Variants in PARD3 observed in about 807,000 individuals in gnomAD.
PARD3 encodes the protein par-3 family cell polarity regulator.
PARD3 carries 75 observed loss-of-function variants against 155.4 expected under a neutral mutation model. That is an observed-to-expected ratio of 0.48 (90% CI 0.40 to 0.58). The LOEUF (loss-of-function observed/expected upper bound fraction) is 0.58, where lower values mean the gene tolerates loss of function less well. Ranked by LOEUF, PARD3 falls within the 20% of genes least tolerant of loss-of-function variation. The pLI is 0.00. For missense variants in PARD3, 1,642 were observed against 1,721.7 expected (o/e 0.95, Z 0.82); for synonymous variants, 576 against 610.5 (o/e 0.94, Z 0.83).
intron 1 of PARD3, among the ~76,000 whole-genome samples, chr10:34,729,052 A>G (rs2094769755): frequency 6.6e-6 from 1 of 152,234 alleles, no homozygotes; most frequent in Non-Finnish European, 1.5e-5. Flanking sequence ...CAGGAGCAAC[A>G]GGTTAGACCA....
At chr10:34,612,851 G>A (rs982086452) in intron 2 of PARD3, among the ~76,000 whole-genome samples, 3 of 152,198 alleles carry the variant, frequency 2.0e-5, no homozygotes, top group African/African-American at 4.8e-5. Flanking sequence ...TTGAGCAATT[G>A]TGGACTGGAA....
At chr10:34,515,659 T>G (rs2133608929) in intron 3 of PARD3, among the ~76,000 whole-genome samples, 1 of 152,222 alleles carries the variant, frequency 6.6e-6, no homozygotes, top group South Asian at 2.1e-4. Context: ...TATATACACC[T>G]TCAAGGGACA....
intron 5 of PARD3, among the ~76,000 whole-genome samples, chr10:34,441,927 T>C (rs776688167): frequency 3.9e-5 from 6 of 152,320 alleles, no homozygotes; most frequent in South Asian, 4.1e-4. Context: ...TTGGGTGTTA[T>C]TGGGGACATA....
intron 7 of PARD3, among the ~76,000 whole-genome samples, chr10:34,396,401 AG>A (rs1408487809): frequency 6.6e-6 from 1 of 152,036 alleles, no homozygotes; most frequent in Non-Finnish European, 1.5e-5. Context: ...ATCACACATC[AG>A]GTCACAATAA....
At chr10:34,671,851 G>A (rs897196296) in intron 2 of PARD3, among the ~76,000 whole-genome samples, 2 of 99,598 alleles carry the variant, frequency 2.0e-5, no homozygotes, top group Non-Finnish European at 3.9e-5. Flanking sequence ...ATGCTTTACA[G>A]TTTTAAAGAT....
At chr10:34,574,329 A>G (rs1320199414) in intron 2 of PARD3, among the ~76,000 whole-genome samples, 2 of 152,214 alleles carry the variant, frequency 1.3e-5, no homozygotes, top group Non-Finnish European at 2.9e-5. Flanking sequence ...AGTTTCACTG[A>G]CAGACATATC....
At chr10:34,377,312 A>C (rs1841348902) in intron 10 of PARD3, among the ~76,000 whole-genome samples, 1 of 152,216 alleles carries the variant, frequency 6.6e-6, no homozygotes, top group Non-Finnish European at 1.5e-5. Context: ...AAAAATTTAT[A>C]ACTAAACTAA....
In PARD3 at chr10:34,110,880, A is replaced by G. The variant is rs1946352893; in HGVS notation, c.*289T>C. ...GTTACAACCAAGCCGCGGACAACTCATGAGTAGGGCCGAGATTCCTGGTAC... is the reference window on the plus strand; with the variant it reads ...GTTACAACCAAGCCGCGGACAACTCGTGAGTAGGGCCGAGATTCCTGGTAC... On this transcript the variant is annotated 3_prime_UTR_variant, in exon 25 of 25. Coordinates refer to ENST00000374788, the MANE Select transcript of PARD3 (RefSeq NM_001184785.2). The G allele has an allele frequency of 3.8e-6, 1 of 262,390 alleles. No individual in the cohort carries two copies. The highest frequency in any genetic ancestry group is 7.2e-6 in the Non-Finnish European group (1 of 138,514). The allele number at this position is 262,390 out of a possible 1,614,324, so 16.3% of individuals were successfully genotyped here.
At chr10:34,349,404 A>G (rs1481128789) in intron 14 of PARD3, among the ~76,000 whole-genome samples, 3 of 152,064 alleles carry the variant, frequency 2.0e-5, no homozygotes, top group Non-Finnish European at 2.9e-5. Context: ...ATTAGACTCA[A>G]TAAGGTTTAA....
intron 1 of PARD3, among the ~76,000 whole-genome samples, chr10:34,809,089 A>G (rs935250620): frequency 6.6e-6 from 1 of 152,222 alleles, no homozygotes; most frequent in African/African-American, 2.4e-5. Flanking sequence ...GTAACTTCCA[A>G]GTACTCCAAA....
At chr10:34,795,922 A>AC (rs57786323) in intron 1 of PARD3, among the ~76,000 whole-genome samples, 1 of 148,446 alleles carries the variant, frequency 6.7e-6, no homozygotes, top group African/African-American at 2.5e-5. Flanking sequence ...ACATAACATA[A>AC]ATAAAAAAAT....
At chr10:34,788,043 G>A (rs1385198879) in intron 1 of PARD3, among the ~76,000 whole-genome samples, 6 of 150,598 alleles carry the variant, frequency 4.0e-5, no homozygotes, top group Admixed American at 6.7e-5. Context: ...TTTGGCCTCC[G>A]AAAGTGTTGG....
intron 15 of PARD3, chr10:34,344,767 C>T: frequency 1.0e-6 from 1 of 985,306 alleles, no homozygotes; most frequent in Middle Eastern, 5.2e-4. Context: ...AGAAATCTTG[C>T]CTTTGGTCAC....
chr10:34,653,569 A>G (rs1254687762), intron 2 of PARD3, among the ~76,000 whole-genome samples: 1 of 152,190 alleles, frequency 6.6e-6, no homozygotes, highest in Non-Finnish European at 1.5e-5. Context: ...TGATGAATCC[A>G]GGTTTGCAAG....
chr10:34,603,357 T>C (rs1327531128), intron 2 of PARD3, among the ~76,000 whole-genome samples: 3 of 151,848 alleles, frequency 2.0e-5, no homozygotes, highest in Non-Finnish European at 4.4e-5. Context: ...GAAGACTTGA[T>C]ACATTCCAAG....
chr10:34,484,632 T>G (rs190128808), intron 3 of PARD3, among the ~76,000 whole-genome samples: 1 of 152,280 alleles, frequency 6.6e-6, no homozygotes, highest in African/African-American at 2.4e-5. Flanking sequence ...ATATACAACA[T>G]AGACCTGGTC....
intron 1 of PARD3, among the ~76,000 whole-genome samples, chr10:34,790,508 T>C (rs773878543): frequency 1.3e-5 from 2 of 152,206 alleles, no homozygotes; most frequent in African/African-American, 4.8e-5. Context: ...CTTAGGATGC[T>C]TCTGTTAGGG....
At chr10:34,563,584 G>C (rs2085684070) in intron 2 of PARD3, among the ~76,000 whole-genome samples, 1 of 150,882 alleles carries the variant, frequency 6.6e-6, no homozygotes, top group Admixed American at 6.6e-5. Context: ...AGGATGGAGT[G>C]CAATGGTATG....
chr10:34,152,256 A>G (rs1378506225), intron 22 of PARD3, among the ~76,000 whole-genome samples: 1 of 152,228 alleles, frequency 6.6e-6, no homozygotes, highest in Non-Finnish European at 1.5e-5. Flanking sequence ...TTGTTTAACA[A>G]TGCAGCTACA....
Sources: gnomAD v4.1 joint callset for allele counts (sites outside exome capture counted in the v4.1 genomes callset) on GRCh38, gnomAD v4.1.1 for gene constraint, MANE v1.5 for transcripts, NCBI Gene and HGNC (gene_info 2026-07-23, HGNC 2026-07-21) for gene names.